Variants in PSTPIP1 observed in about 807,000 individuals in gnomAD.
PSTPIP1 encodes the protein proline-serine-threonine phosphatase interacting protein 1.
A neutral mutation model predicts 69.6 loss-of-function variants in PSTPIP1; 66 were observed. That is an observed-to-expected ratio of 0.95 (90% CI 0.78 to 1.16). The LOEUF (loss-of-function observed/expected upper bound fraction) is 1.16, where lower values mean the gene tolerates loss of function less well. Among genes scored for constraint, PSTPIP1 ranks in the 50% most tolerant of loss-of-function variants. The probability of loss-of-function intolerance (pLI) is 0.00; values close to 1 mark genes in which losing one functional copy is unlikely to be tolerated. For missense variants in PSTPIP1, 603 were observed against 557.4 expected, an observed-to-expected ratio of 1.08 and a Z score of -0.82; for synonymous variants, 266 against 222.7, an observed-to-expected ratio of 1.19 and a Z score of -1.73.
chr15:76,994,941 C>T, upstream of PSTPIP1: 1 of 1,238,882 alleles, frequency 8.1e-7, no homozygotes, highest in Non-Finnish European at 1.1e-6. Context: ...CTCCTGGCCA[C>T]ACTGTCAGTG....
chr15:76,995,627 G>GGGGC lies in PSTPIP1; in HGVS notation c.36+19_36+22dup, dbSNP rs776567812. 3.7e-6 allele frequency: 6 copies of GGGGC among 1,613,104 alleles called. No individual in the cohort carries two copies. Among genetic ancestry groups the GGGGC allele is most frequent in the Non-Finnish European group, 5.1e-6 (6 of 1,179,894 alleles). On this transcript the variant is annotated intron_variant, in intron 1 of 14. Transcript: ENST00000558012. ...CCTTTTGGGTGAGTGAGGATGGTTG[G>GGGGC]GGGCACTGAACAAGTGGAGGGGGCA...
rs757828114 is a variant in PSTPIP1, at chr15:77,037,045, A to C, written c.1120A>C (p.Asn374His). ...YRALYDYTAQ[N>H]PDELDLSAGD... ...CATGCGCTTTCAATCTCTTGGCCAGAACCCAGATGAGCTGGACCTGTCCGC... is the reference window on the plus strand; with the variant it reads ...CATGCGCTTTCAATCTCTTGGCCAGCACCCAGATGAGCTGGACCTGTCCGC... The change falls in exon 15 of 15, where the codon AAC becomes CAC. Residue 374 changes from asparagine to histidine, a missense_variant and splice_region_variant. Asn to His is a moderately conservative substitution (Grantham distance 68). Coordinates refer to ENST00000558012, the MANE Select transcript of PSTPIP1 (RefSeq NM_003978.5). The C allele has an allele frequency of 3.7e-6, 6 of 1,611,892 alleles. No individual in the cohort carries two copies. The East Asian group carries it at 1.3e-4, about 36-fold the overall frequency.
At chr15:76,995,829 C>T (rs1046626583) in intron 1 of PSTPIP1, among the ~76,000 whole-genome samples, 3 of 152,208 alleles carry the variant, frequency 2.0e-5, no homozygotes, top group South Asian at 2.1e-4. Context: ...TCTGCTGCCC[C>T]GTGTGTTTTC....
At chr15:77,023,187 G>A (rs2076199669) in intron 3 of PSTPIP1, among the ~76,000 whole-genome samples, 1 of 152,228 alleles carries the variant, frequency 6.6e-6, no homozygotes, top group African/African-American at 2.4e-5. Context: ...TATGAGCCTG[G>A]GGACAATGAG....
intron 1 of PSTPIP1, chr15:77,015,698 C>A (rs1415566856): frequency 2.9e-6 from 1 of 349,178 alleles, no homozygotes; most frequent in African/African-American, 2.1e-5. Flanking sequence ...AGCACGGAGT[C>A]AGACCCATGC....
At position 77,025,593 on chromosome 15, in the gene PSTPIP1, C is replaced by T. The variant is rs1305908826; in HGVS notation, c.343C>T (p.Gln115Ter). 1 of 1,547,282 alleles carries T rather than the reference C, an allele frequency of 6.5e-7. No individual in the cohort carries two copies. The highest frequency in any genetic ancestry group is 2.4e-5 in the East Asian group (1 of 40,888). Reference sequence around the variant, plus strand: ...GGAGTTTCGTGAGAGGCAGAAGGAGCAGAGGAAGAAGGTGAGGCAGGTGCA... The same window carrying T: ...GGAGTTTCGTGAGAGGCAGAAGGAGTAGAGGAAGAAGGTGAGGCAGGTGCA... ...LEEFRERQKE[Q>*]RKKYEAVMDR... The change falls in exon 5 of 15, where the codon CAG becomes TAG. Residue 115 changes from glutamine to a stop codon, truncating the protein, a stop_gained. Transcript: ENST00000558012. LOFTEE classifies it high-confidence loss of function.
At position 77,031,275 on chromosome 15, in the gene PSTPIP1, T is replaced by C. The variant is rs1329533799; in HGVS notation, c.738T>C (p.Asp246=). The change falls in exon 10 of 15, where the codon GAT becomes GAC. Residue 246 remains aspartate, a synonymous_variant. Coordinates refer to ENST00000558012, the MANE Select transcript of PSTPIP1 (RefSeq NM_003978.5). ...NQLSMQCVKD[D]ELYEEVRLTL... is the part of the protein sequence containing the mutation. ...TCTCCATGCAGTGTGTCAAGGATGA[T>C]GAGGTGGGGGCTGAGGGCCTTGGTG... 1.9e-6 allele frequency: 3 copies of C among 1,612,324 alleles called. No homozygotes were observed. Among genetic ancestry groups the C allele is most frequent in the African/African-American group, 2.7e-5 (2 of 74,870 alleles).
intron 1 of PSTPIP1, among the ~76,000 whole-genome samples, chr15:77,010,132 G>A (rs2075903897): frequency 2.0e-5 from 3 of 152,166 alleles, no homozygotes; most frequent in Non-Finnish European, 4.4e-5. Context: ...TTCCTCACTT[G>A]CCCTCACTGT....
At chr15:77,020,645 A>G (rs1029689387) in intron 3 of PSTPIP1, among the ~76,000 whole-genome samples, 1 of 152,182 alleles carries the variant, frequency 6.6e-6, no homozygotes, top group Non-Finnish European at 1.5e-5. Flanking sequence ...CCTTAGCCAG[A>G]GTCCAGCACA....
chr15:77,022,941 A>G (rs2076192081), intron 3 of PSTPIP1, among the ~76,000 whole-genome samples: 1 of 152,230 alleles, frequency 6.6e-6, no homozygotes, highest in South Asian at 2.1e-4. Context: ...TCATGGGGAC[A>G]AATGGGAGTT....
chr15:77,007,116 G>A (rs898284373), intron 1 of PSTPIP1, among the ~76,000 whole-genome samples: 35 of 152,060 alleles, frequency 2.3e-4, no homozygotes, highest in African/African-American at 7.5e-4. Flanking sequence ...TCCTCCCTGC[G>A]ATTGCTCTGC....
chr15:77,035,970 C>CCTCCCCTGCACCTGAGAGCTCCCT, intron 14 of PSTPIP1, 35 bp downstream of exon 14: 1 of 1,554,892 alleles, frequency 6.4e-7, no homozygotes. Context: ...ACCTGTGCCA[C>CCTCCCCTGCACCTGAGAGCTCCCT]CTCCCCTGCA....
intron 1 of PSTPIP1, among the ~76,000 whole-genome samples, chr15:77,005,165 C>T (rs1201186142): frequency 1.3e-5 from 2 of 152,150 alleles, no homozygotes; most frequent in African/African-American, 4.8e-5. Context: ...GGGCAGATCA[C>T]CTGAGGTCGG....
rs1381643638 is a variant in PSTPIP1, at chr15:77,027,843, C to T, written c.355-9C>T. 1 of 1,562,840 alleles carries T rather than the reference C, an allele frequency of 6.4e-7. No individual in the cohort carries two copies. The highest frequency in any genetic ancestry group is 1.9e-5 in the Admixed American group (1 of 52,532). ...CGGCCCTCGGCTCAGAACCTCGTGT[C>T]CCCTGCAGTATGAGGCCGTCATGGA... On this transcript the variant is annotated splice_polypyrimidine_tract_variant and intron_variant, in intron 5 of 14. Transcript: ENST00000558012. This position sits in a 1 kb window ranked among gnomAD's most constrained non-coding sequence, Gnocchi z 4.3.
chr15:77,010,541 G>A (rs993184391), intron 1 of PSTPIP1, among the ~76,000 whole-genome samples: 33 of 152,314 alleles, frequency 2.2e-4, no homozygotes, highest in Admixed American at 3.3e-4. Flanking sequence ...CACAGGAACA[G>A]CACTAGCACT....
chr15:76,995,448 G>C lies in PSTPIP1; in HGVS notation c.-126G>C, dbSNP rs2458253. The C allele has an allele frequency of 6.4e-7, 1 of 1,552,704 alleles. No homozygotes were observed. The highest frequency in any genetic ancestry group is 2.0e-5 in the Admixed American group (1 of 50,752). Reference sequence around the variant, plus strand: ...TGGCTGCCTTCTGAGTGTTGCAGACGGCGCCGGCCGGGAAGGGGGGCCTGG... The same window carrying C: ...TGGCTGCCTTCTGAGTGTTGCAGACCGCGCCGGCCGGGAAGGGGGGCCTGG... On this transcript the variant is annotated 5_prime_UTR_variant, in exon 1 of 15. Transcript: ENST00000558012.
At chr15:77,009,542 CA>C (rs1268438564) in intron 1 of PSTPIP1, among the ~76,000 whole-genome samples, 2 of 152,184 alleles carry the variant, frequency 1.3e-5, no homozygotes, top group African/African-American at 2.4e-5. Flanking sequence ...CAGCTAGGAT[CA>C]AACCCAGTTC....
intron 1 of PSTPIP1, among the ~76,000 whole-genome samples, chr15:77,016,426 C>A (rs1393404508): frequency 2.0e-5 from 3 of 152,008 alleles, no homozygotes; most frequent in African/African-American, 7.3e-5. Flanking sequence ...AAGCAGCTGC[C>A]CACCAAAACC....
chr15:77,035,847 T>G lies in PSTPIP1; in HGVS notation c.1031T>G (p.Val344Gly). The G allele has an allele frequency of 6.2e-7, 1 of 1,610,234 alleles. No homozygotes were observed. Among genetic ancestry groups the G allele is most frequent in the South Asian group, 1.1e-5 (1 of 90,996 alleles). The change falls in exon 14 of 15, where the codon GTC (valine) becomes GGC (glycine). Residue 344 changes from valine (V) to glycine (G), a missense_variant. Val to Gly is a moderately radical substitution (Grantham distance 109). Transcript: ENST00000558012. ...LTPTPERNEG[V>G]YTAIAVQEIQ... ...CCCACCCCCGAGCGGAATGAGGGTG[T>G]CTACACAGCCATCGCAGTGCAGGAG...
Sources: allele counts gnomAD v4.1 joint callset (sites outside exome capture counted in the v4.1 genomes callset), GRCh38; gene constraint gnomAD v4.1.1; non-coding constraint Gnocchi (gnomAD v3.1); transcripts MANE v1.5; gene names NCBI Gene and HGNC (gene_info 2026-07-23, HGNC 2026-07-21).